The following PRKCH variants were observed in gnomAD, a reference collection of about 807,000 sequenced individuals.
PRKCH encodes the protein protein kinase C eta.
In PRKCH, 28 loss-of-function variants were observed where a neutral mutation model predicts 82.5. The observed-to-expected ratio is 0.34, with a 90% CI of 0.25 to 0.47. The LOEUF is 0.47. Ranked by LOEUF, PRKCH falls within the 20% of genes least tolerant of loss-of-function variation. The probability of loss-of-function intolerance (pLI) is 1.00; values close to 1 mark genes in which losing one functional copy is unlikely to be tolerated. For missense variants in PRKCH, 705 were observed against 881.8 expected (o/e 0.80, Z 2.54); for synonymous variants, 322 against 327.4 (o/e 0.98, Z 0.18).
At chr14:61,475,039 A>G (rs577572174) in intron 9 of PRKCH, among the ~76,000 whole-genome samples, 3 of 152,230 alleles carry the variant, frequency 2.0e-5, no homozygotes, top group Non-Finnish European at 2.9e-5. Context: ...CCCACATGGC[A>G]TAAGTGTCGA....
intron 10 of PRKCH, among the ~76,000 whole-genome samples, chr14:61,525,966 C>T (rs1050284629): frequency 6.6e-6 from 1 of 152,162 alleles, no homozygotes; most frequent in Non-Finnish European, 1.5e-5. Context: ...CGCCTCTCTA[C>T]TGTGTGCCCG....
In PRKCH at chr14:61,249,604, A is replaced by G. The variant is rs2044922300; in HGVS notation, c.-19+61936A>G. ...TATAGAGATTACCATTTGCTCCACC[A>G]ATGGCAAATTTTTTTTTATTATTTT... On this transcript the variant is annotated intron_variant, in intron 1 of 3. Coordinates refer to the PRKCH transcript ENST00000555185. 2.0e-5 allele frequency among the ~76,000 whole-genome samples: 3 copies of G among 151,216 alleles called. No individual in the cohort carries two copies. The South Asian group carries it at 6.3e-4, about 32-fold the overall frequency.
intron 1 of PRKCH, among the ~76,000 whole-genome samples, chr14:61,275,277 A>G (rs2045191901): frequency 6.6e-6 from 1 of 152,196 alleles, no homozygotes; most frequent in Non-Finnish European, 1.5e-5. Context: ...AAAGGAATAT[A>G]TTTCTACCTC....
chr14:61,302,185 T>C (rs750375321), intron 1 of PRKCH, among the ~76,000 whole-genome samples: 16 of 152,256 alleles, frequency 1.1e-4, no homozygotes, highest in Non-Finnish European at 2.4e-4. Flanking sequence ...CTTATTATTC[T>C]ATTAATAACT....
intron 1 of PRKCH, among the ~76,000 whole-genome samples, chr14:61,252,699 A>C (rs937033008): frequency 1.3e-5 from 2 of 152,244 alleles, no homozygotes; most frequent in Non-Finnish European, 2.9e-5. Flanking sequence ...TAATTTTCCA[A>C]TAAGAAGTGA....
At chr14:61,286,181 T>C (rs2045312194) in intron 1 of PRKCH, among the ~76,000 whole-genome samples, 1 of 152,238 alleles carries the variant, frequency 6.6e-6, no homozygotes, top group Non-Finnish European at 1.5e-5. Flanking sequence ...TCAAGATTGT[T>C]GCCTATTACT....
At chr14:61,193,910 T>C (rs1269690587) in intron 1 of PRKCH, among the ~76,000 whole-genome samples, 1 of 152,238 alleles carries the variant, frequency 6.6e-6, no homozygotes, top group African/African-American at 2.4e-5. Flanking sequence ...GATAAACACA[T>C]TGCTTTCCCA....
At chr14:61,497,986 G>T (rs1462935686) in intron 10 of PRKCH, among the ~76,000 whole-genome samples, 2 of 151,976 alleles carry the variant, frequency 1.3e-5, no homozygotes, top group African/African-American at 4.8e-5. Flanking sequence ...AACAAGTGTT[G>T]TCTTTTTATC....
At chr14:61,542,333 T>C (rs2043198844) in intron 12 of PRKCH, among the ~76,000 whole-genome samples, 1 of 150,920 alleles carries the variant, frequency 6.6e-6, no homozygotes. Context: ...GTTTGTATTC[T>C]CGTTTTAAGA....
chr14:61,205,151 C>T (rs1181273488), intron 1 of PRKCH, among the ~76,000 whole-genome samples: 3 of 152,344 alleles, frequency 2.0e-5, no homozygotes, highest in African/African-American at 7.2e-5. Context: ...AGCACATGAT[C>T]TTCAAGAGGA....
At chr14:61,372,230 C>A (rs2046372060) in intron 1 of PRKCH, among the ~76,000 whole-genome samples, 1 of 152,010 alleles carries the variant, frequency 6.6e-6, no homozygotes, top group Non-Finnish European at 1.5e-5. Context: ...TTTTAGAAAC[C>A]AAGTTCTGGG....
At chr14:61,285,227 C>G (rs1257348940) in intron 1 of PRKCH, among the ~76,000 whole-genome samples, 1 of 152,214 alleles carries the variant, frequency 6.6e-6, no homozygotes, top group Non-Finnish European at 1.5e-5. Flanking sequence ...CATATTTACA[C>G]TGCCACACCA....
intron 2 of PRKCH, among the ~76,000 whole-genome samples, chr14:61,416,592 T>C (rs528636212): frequency 1.3e-5 from 2 of 152,282 alleles, no homozygotes; most frequent in South Asian, 4.1e-4. Context: ...AAGAAGATGA[T>C]GAGGCCTTGT....
intron 1 of PRKCH, among the ~76,000 whole-genome samples, chr14:61,297,802 C>T (rs1024113422): frequency 2.6e-5 from 4 of 152,088 alleles, no homozygotes; most frequent in African/African-American, 9.7e-5. Context: ...GTTAACTGTT[C>T]GTGGCCTGGG....
chr14:61,402,744 A>C (rs913171910), intron 2 of PRKCH, among the ~76,000 whole-genome samples: 30 of 152,108 alleles, frequency 2.0e-4, no homozygotes, highest in Non-Finnish European at 7.3e-5. Flanking sequence ...GGTTGCAGTG[A>C]GCCAATATTG....
At chr14:61,250,998 GC>G (rs1333815989) in intron 1 of PRKCH, among the ~76,000 whole-genome samples, 6 of 152,188 alleles carry the variant, frequency 3.9e-5, no homozygotes, top group African/African-American at 1.4e-4. Context: ...TCAGTGTTCA[GC>G]CACTGAGAGG....
At chr14:61,337,222 C>T (rs2045871254) in intron 1 of PRKCH, among the ~76,000 whole-genome samples, 1 of 144,236 alleles carries the variant, frequency 6.9e-6, no homozygotes, top group Non-Finnish European at 1.5e-5. Context: ...TGACTCACTG[C>T]AGTCTCAACC....
At chr14:61,504,375 A>G (rs1887048573) in intron 10 of PRKCH, among the ~76,000 whole-genome samples, 1 of 152,020 alleles carries the variant, frequency 6.6e-6, no homozygotes, top group Admixed American at 6.6e-5. Context: ...TTTTTAGTAG[A>G]GATGGGGTCT....
At position 61,328,107 on chromosome 14, in the gene PRKCH, G is replaced by A. The variant is rs577417521; in HGVS notation, c.363+5643G>A. On this transcript the variant is annotated intron_variant, in intron 1 of 13. Coordinates refer to ENST00000332981, the MANE Select transcript of PRKCH (RefSeq NM_006255.5). ...CTACTAAAAATACAAAAAATTAGCCGGGCGCGGTGGCGGGCGCCTGTAGTC... is the reference window on the plus strand; with the variant it reads ...CTACTAAAAATACAAAAAATTAGCCAGGCGCGGTGGCGGGCGCCTGTAGTC... 5.9e-5 allele frequency among the ~76,000 whole-genome samples: 9 copies of A among 151,520 alleles called. No homozygotes were observed. In the South Asian group the frequency reaches 1.0e-3, roughly 18 times the overall value.
Sources: allele counts gnomAD v4.1 joint callset (sites outside exome capture counted in the v4.1 genomes callset), GRCh38; gene constraint gnomAD v4.1.1; transcripts MANE v1.5; gene names NCBI Gene and HGNC (gene_info 2026-07-23, HGNC 2026-07-21).